ROBO2: variants seen among roughly 807,000 people sequenced by gnomAD.
ROBO2 encodes the protein roundabout guidance receptor 2.
Under a neutral mutation model 160.8 loss-of-function variants are expected in ROBO2, and 53 were observed. The observed-to-expected ratio is 0.33, with a 90% CI of 0.26 to 0.41. ROBO2 has a LOEUF of 0.41. Ranked by LOEUF, ROBO2 falls within the 10% of genes least tolerant of loss-of-function variation. ROBO2 has a pLI of 1.00. For synonymous variants in ROBO2, 664 were observed against 611.7 expected, an observed-to-expected ratio of 1.09 and a Z score of -1.26; for missense variants, 1,577 against 1,722.4, an observed-to-expected ratio of 0.92 and a Z score of 1.49.
At chr3:76,723,519 G>A (rs377206550) in intron 2 of ROBO2, among the ~76,000 whole-genome samples, 3 of 152,046 alleles carry the variant, frequency 2.0e-5, no homozygotes, top group Non-Finnish European at 4.4e-5. Context: ...TCTCCCCACC[G>A]AGGGATGGAA....
chr3:75,984,203 A>G (rs2107467424), intron 2 of ROBO2, among the ~76,000 whole-genome samples: 1 of 151,690 alleles, frequency 6.6e-6, no homozygotes, highest in Non-Finnish European at 1.5e-5. Flanking sequence ...ACTGTCAAGC[A>G]GCCACATATG....
At chr3:77,289,152 T>C (rs762362029) in intron 2 of ROBO2, among the ~76,000 whole-genome samples, 1 of 152,180 alleles carries the variant, frequency 6.6e-6, no homozygotes, top group Non-Finnish European at 1.5e-5. Flanking sequence ...TTATAGGCTC[T>C]ACAAATAAAT....
chr3:77,593,555 G>T (rs2094228018), intron 17 of ROBO2, among the ~76,000 whole-genome samples: 1 of 152,108 alleles, frequency 6.6e-6, no homozygotes, highest in Admixed American at 6.6e-5. Context: ...TGATAAGGCA[G>T]TATATTTCAG....
Position 76,521,045 on chromosome 3 carries a change from C to CTTTTTT in ROBO2, c.110-576951_110-576946dup, listed in dbSNP as rs58517740. Among the ~76,000 whole-genome samples, 88 of 100,088 alleles carry CTTTTTT rather than the reference C, an allele frequency of 8.8e-4. 1 individual carries two copies. Among genetic ancestry groups the CTTTTTT allele is most frequent in the Admixed American group, 4.0e-3 (34 of 8,468 alleles). 65.7% of individuals were successfully genotyped at this position (100,088 alleles called of 152,430 possible). On this transcript the variant is annotated intron_variant, in intron 2 of 26. Transcript: ENST00000487694. ...AAAACAGTTGCAACAAAAATTGCTT[C>CTTTTTT]TTTTTTTTTTTTTTTTTTTTTTTGA...
chr3:77,502,535 A>T (rs927085300), intron 5 of ROBO2, among the ~76,000 whole-genome samples: 11 of 152,170 alleles, frequency 7.2e-5, no homozygotes, highest in Non-Finnish European at 1.3e-4. Context: ...AGAAAAAATA[A>T]TTTCACTGGA....
intron 2 of ROBO2, among the ~76,000 whole-genome samples, chr3:76,400,530 A>G (rs2077753387): frequency 6.6e-6 from 1 of 151,622 alleles, no homozygotes; most frequent in Non-Finnish European, 1.5e-5. Flanking sequence ...AGAAACATAC[A>G]GGACAAATTG....
At chr3:76,062,823 G>A (rs981475213) in intron 2 of ROBO2, among the ~76,000 whole-genome samples, 46 of 152,054 alleles carry the variant, frequency 3.0e-4, no homozygotes, top group African/African-American at 1.7e-4. Context: ...TCTAGACCAC[G>A]AATTAACATG....
intron 2 of ROBO2, among the ~76,000 whole-genome samples, chr3:76,452,782 G>T (rs1398541170): frequency 6.6e-6 from 1 of 152,122 alleles, no homozygotes; most frequent in Non-Finnish European, 1.5e-5. Flanking sequence ...CTAGTTTACA[G>T]TCCCACCAAC....
chr3:76,665,643 C>T (rs961367375), intron 2 of ROBO2, among the ~76,000 whole-genome samples: 1 of 151,380 alleles, frequency 6.6e-6, no homozygotes. Context: ...ATTCATATCT[C>T]AGCCTCTCCT....
At chr3:76,800,829 TTAAAAATAAAAC>T (rs1007326120) in intron 2 of ROBO2, among the ~76,000 whole-genome samples, 9 of 151,876 alleles carry the variant, frequency 5.9e-5, no homozygotes, top group East Asian at 5.8e-4. Flanking sequence ...CCTCAAATAT[TTAAAAATAAAAC>T]TAAAAATAAA....
intron 4 of ROBO2, among the ~76,000 whole-genome samples, chr3:77,483,808 G>A (rs1160756643): frequency 6.7e-6 from 1 of 148,756 alleles, no homozygotes; most frequent in Non-Finnish European, 1.5e-5. Flanking sequence ...ACATTTAATT[G>A]TTCAAGAAAT....
intron 1 of ROBO2, among the ~76,000 whole-genome samples, chr3:75,931,539 A>T (rs1559761289): frequency 6.6e-6 from 1 of 152,002 alleles, no homozygotes; most frequent in Non-Finnish European, 1.5e-5. Flanking sequence ...TTTAGTAGAG[A>T]TGGGGTTTTG....
intron 2 of ROBO2, among the ~76,000 whole-genome samples, chr3:77,002,959 C>T (rs1441870650): frequency 7.1e-6 from 1 of 140,038 alleles, no homozygotes; most frequent in Non-Finnish European, 1.5e-5. Context: ...GTAATTAAGG[C>T]AGATCAGAAA....
At chr3:77,246,316 A>AGGCTAT (rs879940768) in intron 2 of ROBO2, among the ~76,000 whole-genome samples, 1 of 116,428 alleles carries the variant, frequency 8.6e-6, no homozygotes, top group Non-Finnish European at 1.8e-5. Context: ...AACTACTGAG[A>AGGCTAT]GTGTATGTGT....
chr3:76,087,247 G>GA (rs1576802320), intron 2 of ROBO2, among the ~76,000 whole-genome samples: 2 of 151,584 alleles, frequency 1.3e-5, no homozygotes, highest in African/African-American at 4.8e-5. Context: ...GAAAGGCAAA[G>GA]AAAAAATCTA....
At chr3:76,149,532 G>A (rs2072063360) in intron 2 of ROBO2, among the ~76,000 whole-genome samples, 2 of 148,204 alleles carry the variant, frequency 1.3e-5, no homozygotes, top group Admixed American at 1.3e-4. Flanking sequence ...ACACACATCT[G>A]TCTAAAGCAC....
chr3:76,041,573 A>G (rs1306645011), intron 2 of ROBO2, among the ~76,000 whole-genome samples: 2 of 152,088 alleles, frequency 1.3e-5, no homozygotes, highest in Admixed American at 1.3e-4. Context: ...TTTCATTGGA[A>G]TATCAATGAA....
Position 77,156,802 on chromosome 3 carries a change from T to C in ROBO2, c.388+58462T>C, listed in dbSNP as rs2078053358. 2.6e-5 allele frequency among the ~76,000 whole-genome samples: 4 copies of C among 151,030 alleles called. No homozygotes were observed. The South Asian group carries it at 8.3e-4, about 31-fold the overall frequency. ...TAAAAATATTCATTAGAATATTCAT[T>C]AGAATGTATAAAAAATAGAATTAAG... On this transcript the variant is annotated intron_variant, in intron 2 of 25. Transcript: ENST00000461745.
chr3:76,727,624 A>C (rs535055315), intron 2 of ROBO2, among the ~76,000 whole-genome samples: 1 of 152,310 alleles, frequency 6.6e-6, no homozygotes, highest in African/African-American at 2.4e-5. Context: ...AAGTCATGAT[A>C]TGTGGAATAA....
Sources: gnomAD v4.1 joint callset for allele counts (sites outside exome capture counted in the v4.1 genomes callset) on GRCh38, gnomAD v4.1.1 for gene constraint, MANE v1.5 for transcripts, NCBI Gene and HGNC (gene_info 2026-07-23, HGNC 2026-07-21) for gene names.